PABPC4L: variants seen among roughly 807,000 people sequenced by gnomAD.
PABPC4L encodes polyadenylate-binding protein 4-like.
For synonymous variants in PABPC4L, 169 were observed against 164.1 expected (o/e 1.03, Z -0.23); for missense variants, 452 against 451.4 (o/e 1.00, Z -0.01).
the PABPC4L span, among the ~76,000 whole-genome samples, chr4:134,162,900 C>T: frequency 1.3e-5 from 2 of 152,062 alleles, no homozygotes; most frequent in African/African-American, 2.4e-5. Flanking sequence ...TAAATGCCTA[C>T]ATCAAAAAGT....
chr4:134,119,903 A>T, the PABPC4L span, among the ~76,000 whole-genome samples: 1 of 151,684 alleles, frequency 6.6e-6, no homozygotes, highest in African/African-American at 2.4e-5. Context: ...TTGTAGCAGT[A>T]TTTTGTAAAT....
the PABPC4L span, among the ~76,000 whole-genome samples, chr4:133,970,111 A>T: frequency 1.4e-5 from 2 of 147,902 alleles, no homozygotes; most frequent in African/African-American, 4.9e-5. Flanking sequence ...TTATTTATAT[A>T]AAATATATAT....
At chr4:134,174,146 T>C in the PABPC4L span, among the ~76,000 whole-genome samples, 1 of 152,024 alleles carries the variant, frequency 6.6e-6, no homozygotes, top group Admixed American at 6.6e-5. Context: ...CTACACGTGG[T>C]CAGTATCATT....
At chr4:134,007,265 T>C in the PABPC4L span, among the ~76,000 whole-genome samples, 1 of 151,918 alleles carries the variant, frequency 6.6e-6, no homozygotes, top group African/African-American at 2.4e-5. Context: ...ATGATGTTAA[T>C]TGAAAGTTTT....
chr4:134,085,322 T>C, the PABPC4L span, among the ~76,000 whole-genome samples: 4 of 152,100 alleles, frequency 2.6e-5, no homozygotes, highest in Non-Finnish European at 4.4e-5. Flanking sequence ...ATAAAATACA[T>C]ATATATATCA....
chr4:134,109,858 C>T, the PABPC4L span, among the ~76,000 whole-genome samples: 7 of 151,814 alleles, frequency 4.6e-5, no homozygotes, highest in Non-Finnish European at 2.9e-5. Flanking sequence ...TCTCCTGTCT[C>T]AGCCTCCCAA....
the PABPC4L span, among the ~76,000 whole-genome samples, chr4:134,186,328 G>A: frequency 2.0e-5 from 3 of 152,066 alleles, no homozygotes; most frequent in Admixed American, 2.0e-4. Flanking sequence ...CATGGTACTG[G>A]TACCAAAACA....
At chr4:134,126,843 A>G in the PABPC4L span, among the ~76,000 whole-genome samples, 1 of 152,018 alleles carries the variant, frequency 6.6e-6, no homozygotes. Flanking sequence ...TGTGAGTGGG[A>G]CTGCTTTCTA....
chr4:134,151,168 C>T, the PABPC4L span, among the ~76,000 whole-genome samples: 2 of 152,156 alleles, frequency 1.3e-5, no homozygotes, highest in South Asian at 4.1e-4. Flanking sequence ...AAATAAATTT[C>T]TGAAAGGCAG....
rs778259112 is a variant in PABPC4L at position 134,201,164 on chromosome 4, C to G, written c.-145G>C. ...AAGGCCAAGCAATGGAGTTCAGACA[C>G]GACTCCCCCAGCTCAGGCAACACCC... On this transcript the variant is annotated 5_prime_UTR_variant, in exon 2 of 2. Transcript: ENST00000421491. The G allele has an allele frequency of 1.5e-5, 23 of 1,548,892 alleles. No individual in the cohort carries two copies. In the Admixed American group the frequency reaches 1.8e-4, roughly 12 times the overall value.
chr4:134,169,756 CTA>C, the PABPC4L span, among the ~76,000 whole-genome samples: 45 of 152,036 alleles, frequency 3.0e-4, no homozygotes, highest in Non-Finnish European at 5.9e-4. Flanking sequence ...ACATTTAAAA[CTA>C]TGAGTCATTG....
chr4:134,160,368 A>G, the PABPC4L span, among the ~76,000 whole-genome samples: 43 of 152,210 alleles, frequency 2.8e-4, no homozygotes, highest in East Asian at 2.3e-3. Flanking sequence ...ACCCCAGGCT[A>G]TGTAATTAGG....
At chr4:134,068,347 G>A in the PABPC4L span, among the ~76,000 whole-genome samples, 32 of 152,108 alleles carry the variant, frequency 2.1e-4, no homozygotes, top group African/African-American at 6.3e-4. Flanking sequence ...AGCAATCCCC[G>A]CTTTTTCTTT....
the PABPC4L span, among the ~76,000 whole-genome samples, chr4:134,142,442 T>A: frequency 6.6e-6 from 1 of 151,610 alleles, no homozygotes; most frequent in African/African-American, 2.4e-5. Context: ...TATTAATTAG[T>A]TGGCAGTTAT....
At chr4:133,985,013 A>G in the PABPC4L span, among the ~76,000 whole-genome samples, 14,421 of 151,996 alleles carry the variant, frequency 0.095, 1,528 homozygotes, top group East Asian at 0.49. Flanking sequence ...TTAGCCGAAT[A>G]AAGTATCTAC....
the PABPC4L span, among the ~76,000 whole-genome samples, chr4:134,052,487 A>G: frequency 2.6e-5 from 4 of 152,032 alleles, no homozygotes; most frequent in Admixed American, 1.3e-4. Flanking sequence ...TTTGAATTTT[A>G]TTTATCAAAA....
At chr4:133,997,123 A>G in the PABPC4L span, among the ~76,000 whole-genome samples, 1 of 152,104 alleles carries the variant, frequency 6.6e-6, no homozygotes, top group Non-Finnish European at 1.5e-5. Context: ...AGGCCTCTCT[A>G]TTACCTGAGA....
rs1038384232 is a variant in PABPC4L, at chr4:134,196,903, C to T, written c.*3004G>A. On this transcript the variant is annotated 3_prime_UTR_variant, in exon 2 of 2. Coordinates refer to ENST00000421491, the MANE Select transcript of PABPC4L (RefSeq NM_001114734.2). ...TAATTAAGCCATAGCTATAATTCAT[C>T]TAGACATCTGATGTTATGTCCTATT... 1.3e-5 allele frequency: 2 copies of T among 151,402 alleles called. No homozygotes were observed. The highest frequency in any genetic ancestry group is 6.6e-5 in the Admixed American group (1 of 15,190). The allele number at this position is 151,402 out of a possible 1,614,324, so 9.4% of individuals were successfully genotyped here.
Position 134,200,769 on chromosome 4 carries a change from A to T in PABPC4L, c.251T>A (p.Met84Lys). 6.4e-7 allele frequency: 1 copy of T among 1,551,758 alleles called. No homozygotes were observed. The highest frequency in any genetic ancestry group is 8.7e-7 in the Non-Finnish European group (1 of 1,147,010). Residue 84 changes from methionine to lysine, a missense_variant, in exon 2 of 2, where the codon ATG becomes AAG. By Grantham distance (95) the Met-to-Lys change is moderately conservative. Transcript: ENST00000421491. ...CAAGTAGGCATCGCGCTGAGACCAC[A>T]TGAGACGGATGGATTTGCCTTTTAT... ...DIIKGKSIRLMWSQRDAYLRR... is the reference protein window; with the variant it reads ...DIIKGKSIRLKWSQRDAYLRR...
Sources: allele counts gnomAD v4.1 joint callset (sites outside exome capture counted in the v4.1 genomes callset), GRCh38; gene constraint gnomAD v4.1.1; transcripts MANE v1.5; gene names NCBI Gene and HGNC (gene_info 2026-07-23, HGNC 2026-07-21).